The following SUPT20H variants were observed in gnomAD, a reference collection of about 807,000 sequenced individuals.
The protein encoded by SUPT20H is SPT20 homolog, SAGA complex component, also known as transcription factor SPT20 homolog.
A neutral mutation model predicts 122.8 loss-of-function variants in SUPT20H; 82 were observed. The ratio of observed to expected loss-of-function variants is 0.67; its 90% CI spans 0.56 to 0.80. The LOEUF (loss-of-function observed/expected upper bound fraction) is 0.80. SUPT20H is among the 30% of genes least tolerant of loss of function. The probability of loss-of-function intolerance (pLI) is 0.00; values close to 1 mark genes in which losing one functional copy is unlikely to be tolerated. For synonymous variants in SUPT20H, 291 were observed against 313.0 expected (o/e 0.93, Z 0.74); for missense variants, 831 against 921.6 (o/e 0.90, Z 1.27).
chr13:37,023,708 A>G, intron 19 of SUPT20H: 1 of 179,570 alleles, frequency 5.6e-6, no homozygotes, highest in Non-Finnish European at 1.1e-5. Context: ...AAATGATCCT[A>G]GGGTACACTG....
intron 21 of SUPT20H, among the ~76,000 whole-genome samples, chr13:37,021,089 C>A (rs2061401317): frequency 6.6e-6 from 1 of 152,278 alleles, no homozygotes; most frequent in East Asian, 1.9e-4. Context: ...AGAATCCAGG[C>A]TCTTAACTGC....
In SUPT20H at chr13:37,024,057, T is replaced by C. The variant is rs770834988; in HGVS notation, c.1569A>G (p.Leu523=). The C allele has an allele frequency of 4.3e-6, 7 of 1,612,286 alleles. No homozygotes were observed. Among genetic ancestry groups the C allele is most frequent in the Admixed American group, 1.7e-5 (1 of 59,678 alleles). The part of the protein sequence containing the change: ...NQVSMLSPAA[L]SPASSSQRTT... Reference sequence around the variant, plus strand: ...CACTTTGTGATGAGCTGGCAGGTGATAGGGCAGCTGGAGAAAGCATGCTAA... The same window carrying C: ...CACTTTGTGATGAGCTGGCAGGTGACAGGGCAGCTGGAGAAAGCATGCTAA... Residue 523 remains leucine (L), a synonymous_variant, in exon 19 of 26, where the codon CTA becomes CTG. Coordinates refer to ENST00000350612, the MANE Select transcript of SUPT20H (RefSeq NM_001014286.3).
intron 25 of SUPT20H, 135 bp downstream of exon 25, chr13:37,010,417 A>C: frequency 2.7e-6 from 2 of 747,712 alleles, no homozygotes; most frequent in Non-Finnish European, 4.3e-6. Context: ...GTCAGACTTT[A>C]AAATTTGCTA....
At chr13:37,047,979 T>C in intron 3 of SUPT20H, 43 bp from the exon 4 acceptor site, 1 of 1,518,566 alleles carries the variant, frequency 6.6e-7, no homozygotes, top group Non-Finnish European at 9.0e-7. Context: ...TTTTTGCTTT[T>C]GACTATGAAC....
chr13:37,051,090 A>G (rs1396971648), intron 2 of SUPT20H, among the ~76,000 whole-genome samples: 1 of 152,216 alleles, frequency 6.6e-6, no homozygotes, highest in African/African-American at 2.4e-5. Context: ...AATACGTTAT[A>G]TGCAGTTAGC....
intron 7 of SUPT20H, among the ~76,000 whole-genome samples, chr13:37,042,072 G>A (rs2065569559): frequency 6.6e-6 from 1 of 152,202 alleles, no homozygotes; most frequent in Non-Finnish European, 1.5e-5. Flanking sequence ...TGGATGGAAT[G>A]CAGCGAGTGA....
chr13:37,059,068 A>G (rs2069980484), intron 1 of SUPT20H: 1 of 152,132 alleles, frequency 6.6e-6, no homozygotes, highest in Non-Finnish European at 1.5e-5. Flanking sequence ...CCGGGTAACC[A>G]TGGCCAGTAA....
chr13:37,052,862 G>T (rs1005894611), intron 1 of SUPT20H, among the ~76,000 whole-genome samples: 1 of 152,146 alleles, frequency 6.6e-6, no homozygotes, highest in Admixed American at 6.5e-5. Flanking sequence ...AAAAGTGGGT[G>T]AAGGATATGA....
At chr13:37,025,490 A>G (rs2062090324) in intron 16 of SUPT20H, 53 bp from the exon 17 acceptor site, 1 of 1,225,390 alleles carries the variant, frequency 8.2e-7, no homozygotes, top group Admixed American at 2.0e-5. Flanking sequence ...TTTAAACACA[A>G]ATTTATTTTA....
chr13:37,021,903 C>A, intron 20 of SUPT20H, 108 bp downstream of exon 20: 1 of 1,304,300 alleles, frequency 7.7e-7, no homozygotes, highest in South Asian at 1.6e-5. Context: ...TATTCCTTTT[C>A]AGTCTGAGTA....
chr13:37,024,313 A>C (rs2061841907), intron 18 of SUPT20H, 27 bp downstream of exon 18: 1 of 1,542,976 alleles, frequency 6.5e-7, no homozygotes, highest in Admixed American at 2.1e-5. Context: ...GTTATTCTAG[A>C]CTGCAAAAAA....
chr13:37,048,003 A>C, intron 3 of SUPT20H, 67 bp from the exon 4 acceptor site: 2 of 1,263,516 alleles, frequency 1.6e-6, no homozygotes, highest in African/African-American at 1.5e-5. Flanking sequence ...TGTATTGAGT[A>C]TATCTAAAAC....
intron 7 of SUPT20H, among the ~76,000 whole-genome samples, chr13:37,041,033 GCTTA>G (rs2065369831): frequency 6.6e-6 from 1 of 151,978 alleles, no homozygotes; most frequent in South Asian, 2.1e-4. Context: ...CAGCTCACAG[GCTTA>G]CTGTTACATT....
In SUPT20H at chr13:37,044,980, T is replaced by C. The variant is rs1230919829; in HGVS notation, c.292+267A>G. ...TTTAACCTTTCCTTTGGTTCTGAGA[T>C]GCTTTTATAATTGGACTTGAAAGAC... On this transcript the variant is annotated intron_variant, in intron 6 of 25. Transcript: ENST00000350612. Among the ~76,000 whole-genome samples, 5 of 152,218 alleles carry C rather than the reference T, an allele frequency of 3.3e-5. No individual in the cohort carries two copies. In the East Asian group the frequency reaches 9.6e-4, roughly 29 times the overall value.
intron 7 of SUPT20H, among the ~76,000 whole-genome samples, chr13:37,041,335 G>A (rs1243517354): frequency 6.6e-6 from 1 of 152,034 alleles, no homozygotes; most frequent in Non-Finnish European, 1.5e-5. Flanking sequence ...GGCTAACATG[G>A]TGAAACTGCG....
chr13:37,043,659 G>A (rs1307268031), intron 7 of SUPT20H, among the ~76,000 whole-genome samples: 1 of 151,876 alleles, frequency 6.6e-6, no homozygotes, highest in Non-Finnish European at 1.5e-5. Flanking sequence ...ATTATTATTA[G>A]TTTTAGAGAC....
chr13:37,040,497 G>A lies in SUPT20H; in HGVS notation c.514-39C>T, dbSNP rs766829313. 24 of 1,577,998 alleles carry A rather than the reference G, an allele frequency of 1.5e-5. 1 individual carries two copies. In the South Asian group the frequency reaches 2.5e-4, roughly 16 times the overall value. On this transcript the variant is annotated intron_variant, in intron 8 of 25. Coordinates refer to ENST00000350612, the MANE Select transcript of SUPT20H (RefSeq NM_001014286.3). ...AAATTTAAAAAACTTATTAATCTAT[G>A]CACAAACATATGAAGAATTCGATAA... is the stretch of plus-strand genomic sequence containing the variant.
At chr13:37,017,110 C>T in intron 23 of SUPT20H, 135 bp downstream of exon 23, 5 of 1,227,610 alleles carry the variant, frequency 4.1e-6, no homozygotes, top group Non-Finnish European at 5.9e-6. Context: ...CACCCAATAG[C>T]TGATTGCTAC....
At chr13:37,021,919 C>T (rs2061506581) in intron 20 of SUPT20H, 92 bp downstream of exon 20, 37 of 1,381,540 alleles carry the variant, frequency 2.7e-5, no homozygotes, top group Non-Finnish European at 3.4e-5. Flanking sequence ...GAGTAATATG[C>T]GGTTTGTTCT....
Sources: allele counts gnomAD v4.1 joint callset (sites outside exome capture counted in the v4.1 genomes callset), GRCh38; gene constraint gnomAD v4.1.1; transcripts MANE v1.5; gene names NCBI Gene and HGNC (gene_info 2026-07-23, HGNC 2026-07-21).